Variants in MAPK10 observed in about 807,000 individuals in gnomAD.
MAPK10 encodes JNK3 alpha protein kinase.
In MAPK10, 25 loss-of-function variants were observed where a neutral mutation model predicts 59.3. The ratio of observed to expected loss-of-function variants is 0.42; its 90% confidence interval spans 0.31 to 0.59. The LOEUF (loss-of-function observed/expected upper bound fraction) is 0.59, where lower values mean the gene tolerates loss of function less well. Among genes scored for constraint, MAPK10 ranks in the 20% least tolerant of loss-of-function variants. MAPK10 has a pLI of 0.15. For synonymous variants in MAPK10, 190 were observed against 200.5 expected (o/e 0.95, Z 0.44); for missense variants, 351 against 568.9 (o/e 0.62, Z 3.90).
At chr4:86,581,676 TTGTG>T (rs56210798) in intron 1 of MAPK10, among the ~76,000 whole-genome samples, 8,523 of 136,654 alleles carry the variant, frequency 0.062, 284 homozygotes, top group African/African-American at 0.091. Flanking sequence ...TTTTCAGTTA[TTGTG>T]TGTGTGTGTG....
At chr4:86,215,370 C>T (rs946919958) in intron 2 of MAPK10, among the ~76,000 whole-genome samples, 1 of 152,072 alleles carries the variant, frequency 6.6e-6, no homozygotes, top group Admixed American at 6.5e-5. Context: ...TTGGATATAA[C>T]ATGAAAGACA....
chr4:86,593,988 A>G (rs902701383), exon 1 of MAPK10: 2 of 152,164 alleles, frequency 1.3e-5, no homozygotes, highest in Admixed American at 6.5e-5. Flanking sequence ...CGTCGGCTGC[A>G]TTTTCAACTT....
At chr4:86,507,615 GATATATATATATATATAT>G (rs767683551) in intron 1 of MAPK10, among the ~76,000 whole-genome samples, 615 of 35,630 alleles carry the variant, frequency 0.017, 27 homozygotes, top group African/African-American at 0.052. Context: ...ATAAACTGGA[GATATATATATATATATAT>G]ATATATATAT....
intron 2 of MAPK10, among the ~76,000 whole-genome samples, chr4:86,291,245 C>A (rs2095216702): frequency 6.6e-6 from 1 of 152,192 alleles, no homozygotes; most frequent in Admixed American, 6.5e-5. Context: ...GATAAATAAG[C>A]AAAAGAAACA....
At chr4:86,271,275 T>C (rs1300400354) in intron 2 of MAPK10, among the ~76,000 whole-genome samples, 1 of 152,042 alleles carries the variant, frequency 6.6e-6, no homozygotes, top group African/African-American at 2.4e-5. Flanking sequence ...ACTAATAATG[T>C]TGGTCCCTTT....
At chr4:86,205,232 A>G (rs2149339417) in intron 2 of MAPK10, among the ~76,000 whole-genome samples, 1 of 152,170 alleles carries the variant, frequency 6.6e-6, no homozygotes, top group Non-Finnish European at 1.5e-5. Context: ...AAAAAGTATT[A>G]TTAAGAATTA....
intron 1 of MAPK10, among the ~76,000 whole-genome samples, chr4:86,528,815 G>A (rs959992815): frequency 2.0e-5 from 3 of 152,162 alleles, no homozygotes; most frequent in Admixed American, 6.5e-5. Context: ...GTCTAATTTG[G>A]TTATTAGAAC....
At chr4:86,278,506 T>C (rs1329114818) in intron 2 of MAPK10, among the ~76,000 whole-genome samples, 1 of 152,240 alleles carries the variant, frequency 6.6e-6, no homozygotes, top group East Asian at 1.9e-4. Flanking sequence ...GGGATCTATA[T>C]GAGTTGAAGG....
chr4:86,182,373 A>C (rs916499803), intron 3 of MAPK10, among the ~76,000 whole-genome samples: 7 of 152,192 alleles, frequency 4.6e-5, no homozygotes, highest in Admixed American at 3.3e-4. Flanking sequence ...CTTGCAGACA[A>C]TAGTGAAAAG....
chr4:86,556,856 C>T (rs1247214088), intron 1 of MAPK10, among the ~76,000 whole-genome samples: 2 of 152,030 alleles, frequency 1.3e-5, no homozygotes, highest in Non-Finnish European at 2.9e-5. Flanking sequence ...ATTTTTATAG[C>T]ACTGGCAAGA....
At chr4:86,328,213 A>G (rs565271293) in intron 2 of MAPK10, among the ~76,000 whole-genome samples, 1 of 152,300 alleles carries the variant, frequency 6.6e-6, no homozygotes, top group African/African-American at 2.4e-5. Flanking sequence ...ACACTTCTCA[A>G]AAGGAGACAT....
At chr4:86,258,282 T>C (rs2093836712) in intron 2 of MAPK10, among the ~76,000 whole-genome samples, 1 of 152,148 alleles carries the variant, frequency 6.6e-6, no homozygotes. Context: ...TATAACTAAC[T>C]CAACCTTTCC....
chr4:86,087,730 T>C (rs1030243639), intron 9 of MAPK10, among the ~76,000 whole-genome samples: 4 of 152,096 alleles, frequency 2.6e-5, no homozygotes, highest in Non-Finnish European at 5.9e-5. Flanking sequence ...GAGTGCCTAA[T>C]ACAGCCATTT....
chr4:86,334,883 T>C (rs1720154878), intron 2 of MAPK10, among the ~76,000 whole-genome samples: 1 of 152,202 alleles, frequency 6.6e-6, no homozygotes, highest in South Asian at 2.1e-4. Context: ...AAATGTCTGT[T>C]TCCCTCACCA....
At chr4:86,108,522 C>T (rs769595253) in intron 4 of MAPK10, among the ~76,000 whole-genome samples, 1 of 152,096 alleles carries the variant, frequency 6.6e-6, no homozygotes, top group African/African-American at 2.4e-5. Context: ...GATAGATTCA[C>T]AGAATAAGGT....
intron 9 of MAPK10, among the ~76,000 whole-genome samples, chr4:86,077,269 C>T (rs921350267): frequency 1.4e-4 from 22 of 151,908 alleles, no homozygotes; most frequent in African/African-American, 5.3e-4. Flanking sequence ...AAAATTTTTC[C>T]AATTAATATT....
intron 9 of MAPK10, among the ~76,000 whole-genome samples, chr4:86,071,829 T>G (rs1177199666): frequency 2.7e-4 from 41 of 149,312 alleles, no homozygotes; most frequent in African/African-American, 8.7e-4. Flanking sequence ...GTAGTGTGAT[T>G]CCTCCAGCTT....
chr4:86,309,296 C>T (rs1460276136), intron 2 of MAPK10, among the ~76,000 whole-genome samples: 1 of 152,154 alleles, frequency 6.6e-6, no homozygotes, highest in Non-Finnish European at 1.5e-5. Context: ...ATATCTCTGC[C>T]TTTCCATCGC....
intron 8 of MAPK10, 147 bp downstream of exon 8, chr4:86,100,905 G>T: frequency 3.3e-6 from 2 of 604,450 alleles, no homozygotes; most frequent in Non-Finnish European, 5.7e-6. Flanking sequence ...TTTCTTACCA[G>T]TAGTATTAAA....
Sources: gnomAD v4.1 joint callset for allele counts (sites outside exome capture counted in the v4.1 genomes callset) on GRCh38, gnomAD v4.1.1 for gene constraint, MANE v1.5 for transcripts, NCBI Gene and HGNC (gene_info 2026-07-23, HGNC 2026-07-21) for gene names.